Variants in MEI1 observed in about 807,000 individuals in gnomAD.
MEI1 encodes the protein meiosis inhibitor protein 1.
Under a neutral mutation model 146.2 loss-of-function variants are expected in MEI1, and 103 were observed. The observed-to-expected ratio is 0.70, with a 90% CI of 0.60 to 0.83. MEI1 has a LOEUF of 0.83. Ranked by LOEUF, MEI1 falls within the 40% of genes least tolerant of loss-of-function variation. MEI1 has a pLI of 0.00. For missense variants in MEI1, 1,529 were observed against 1,533.0 expected (o/e 1.00, Z 0.04); for synonymous variants, 652 against 628.2 (o/e 1.04, Z -0.57).
chr22:41,742,010 C>T (rs948823961), intron 11 of MEI1, among the ~76,000 whole-genome samples: 38 of 151,144 alleles, frequency 2.5e-4, no homozygotes, highest in Non-Finnish European at 5.6e-4. Context: ...CCTGTAATCC[C>T]ACACTTTGGG....
At chr22:41,748,344 T>A in intron 15 of MEI1, 126 bp downstream of exon 15, 1 of 700,336 alleles carries the variant, frequency 1.4e-6, no homozygotes, top group Non-Finnish European at 2.5e-6. Flanking sequence ...CTGTATCTAT[T>A]CTTTGTCCAG....
At chr22:41,729,488 C>T (rs2071667642) in intron 7 of MEI1, among the ~76,000 whole-genome samples, 177 bp from the exon 8 acceptor site, 1 of 152,178 alleles carries the variant, frequency 6.6e-6, no homozygotes, top group Admixed American at 6.5e-5. Flanking sequence ...CTGCTGTTCA[C>T]GGAGACCCCT....
At position 41,784,620 on chromosome 22, in the gene MEI1, G is replaced by C; in HGVS notation, c.3182G>C (p.Cys1061Ser). 6.2e-7 allele frequency: 1 copy of C among 1,612,396 alleles called. No homozygotes were observed. Among genetic ancestry groups the C allele is most frequent in the African/African-American group, 1.3e-5 (1 of 75,042 alleles). The stretch of plus-strand genomic sequence containing the variant: ...CTCCTGCTTCCAGCTGCCATCTTAT[G>C]CTTCCTGCGGACAGCCCTGCGACAA... Reference protein sequence around the residue: ...KAALLSAAILCFLRTALRQSF... With the variant: ...KAALLSAAILSFLRTALRQSF... The change falls in exon 26 of 31, where the codon TGC (cysteine) becomes TCC (serine). Residue 1061 changes from cysteine to serine, a missense_variant. By Grantham distance (112) the Cys-to-Ser change is moderately radical (BLOSUM62 -1). This residue lies in a region of MEI1 where 313 missense variants were observed against 337.3 expected (regional missense o/e 0.93). Transcript: ENST00000401548.
At chr22:41,703,560 T>C in intron 2 of MEI1, 106 bp downstream of exon 2, 9 of 1,027,720 alleles carry the variant, frequency 8.8e-6, no homozygotes, top group Non-Finnish European at 1.2e-5. Context: ...TTTTTTGTAT[T>C]GTAATACTTT....
chr22:41,743,915 G>A (rs1323420076), intron 12 of MEI1, among the ~76,000 whole-genome samples: 3 of 151,842 alleles, frequency 2.0e-5, no homozygotes, highest in Admixed American at 2.0e-4. Context: ...TTACTCTGTG[G>A]CCCCAGTCTG....
chr22:41,756,347 G>A (rs1160561194), intron 17 of MEI1, among the ~76,000 whole-genome samples: 1 of 152,128 alleles, frequency 6.6e-6, no homozygotes, highest in Non-Finnish European at 1.5e-5. Context: ...ATGTTGGCCA[G>A]GCTGGTCTTG....
chr22:41,706,462 A>G (rs752234913), intron 3 of MEI1, among the ~76,000 whole-genome samples: 3 of 152,222 alleles, frequency 2.0e-5, no homozygotes, highest in South Asian at 2.1e-4. Context: ...ACTAGATTTG[A>G]TGAGTGCTGT....
At position 41,763,377 on chromosome 22, in the gene MEI1, T is replaced by C; in HGVS notation, c.2268+56T>C. The C allele has an allele frequency of 4.4e-6, 7 of 1,575,798 alleles. No individual in the cohort carries two copies. The South Asian group carries it at 5.7e-5, about 13-fold the overall frequency. ...CTTCTGTACCTCTTTACATTAGTGTTCCCTGGGAGACCATGATGATGATAG... is the reference window on the plus strand; with the variant it reads ...CTTCTGTACCTCTTTACATTAGTGTCCCCTGGGAGACCATGATGATGATAG... On this transcript the variant is annotated intron_variant, in intron 19 of 30. Coordinates refer to ENST00000401548, the MANE Select transcript of MEI1 (RefSeq NM_152513.4).
intron 28 of MEI1, 71 bp downstream of exon 28, chr22:41,794,548 C>G (rs941548741): frequency 1.0e-5 from 13 of 1,282,238 alleles, no homozygotes; most frequent in African/African-American, 1.5e-5. Context: ...AGGCCAGGGT[C>G]TCCTTACTTT....
At chr22:41,757,709 T>C (rs1241536468) in intron 17 of MEI1, among the ~76,000 whole-genome samples, 1 of 152,080 alleles carries the variant, frequency 6.6e-6, no homozygotes, top group Non-Finnish European at 1.5e-5. Context: ...CTCCTCAATA[T>C]AGCGCTGATC....
chr22:41,767,251 T>C (rs2074916730), intron 19 of MEI1, among the ~76,000 whole-genome samples: 1 of 152,220 alleles, frequency 6.6e-6, no homozygotes, highest in Non-Finnish European at 1.5e-5. Context: ...GAATGCCCTT[T>C]ATGTAGAAGC....
In MEI1 at chr22:41,799,309, C is replaced by A; in HGVS notation, c.*10C>A. On this transcript the variant is annotated 3_prime_UTR_variant, in exon 31 of 31. Transcript: ENST00000401548. Reference sequence around the variant, plus strand: ...CCACATCAGAAACTGATCCTCAGGACTTGAAGGCCCAGAAGTGGAGAGAGA... The same window carrying A: ...CCACATCAGAAACTGATCCTCAGGAATTGAAGGCCCAGAAGTGGAGAGAGA... 2 of 1,613,236 alleles carry A rather than the reference C, an allele frequency of 1.2e-6. No homozygotes were observed. The highest frequency in any genetic ancestry group is 4.5e-5 in the East Asian group (2 of 44,846).
chr22:41,711,522 C>T (rs1177649376), intron 3 of MEI1, among the ~76,000 whole-genome samples: 1 of 152,230 alleles, frequency 6.6e-6, no homozygotes, highest in Non-Finnish European at 1.5e-5. Flanking sequence ...GCATGGCTTG[C>T]AGAACCATCA....
In MEI1 at chr22:41,758,399, G is replaced by A; in HGVS notation, c.1986G>A (p.Gly662=). The change falls in exon 18 of 31, where the codon GGG becomes GGA. Residue 662 remains glycine, a synonymous_variant. Coordinates refer to ENST00000401548, the MANE Select transcript of MEI1 (RefSeq NM_152513.4). ...CAGTGTCTGAGCTCCTGCAGCATGG[G>A]CTGCCCCAGATAAGCAGCAGGAGCC... is the stretch of plus-strand genomic sequence containing the variant. ...LSAVSELLQH[G]LPQISSRSPE... 6.2e-7 allele frequency: 1 copy of A among 1,613,782 alleles called. No individual in the cohort carries two copies. Among genetic ancestry groups the A allele is most frequent in the Non-Finnish European group, 8.5e-7 (1 of 1,179,852 alleles).
intron 6 of MEI1, among the ~76,000 whole-genome samples, chr22:41,723,606 C>A (rs190845148): frequency 6.6e-6 from 1 of 152,248 alleles, no homozygotes; most frequent in East Asian, 1.9e-4. Context: ...TGCTATGTGT[C>A]AGGAACTGTG....
intron 23 of MEI1, 43 bp downstream of exon 23, chr22:41,781,437 C>A (rs369152756): frequency 2.7e-6 from 4 of 1,458,786 alleles, no homozygotes; most frequent in African/African-American, 2.8e-5. Context: ...GCTGGGCAGT[C>A]TGTGGTCCTC....
intron 30 of MEI1, among the ~76,000 whole-genome samples, 177 bp downstream of exon 30, chr22:41,796,024 C>T (rs936960124): frequency 6.6e-6 from 1 of 152,094 alleles, no homozygotes; most frequent in Non-Finnish European, 1.5e-5. Flanking sequence ...CAAGCTCTCC[C>T]AGGCCATAAG....
At chr22:41,737,771 T>A (rs1007409552) in intron 11 of MEI1, among the ~76,000 whole-genome samples, 18 of 152,212 alleles carry the variant, frequency 1.2e-4, no homozygotes, top group Admixed American at 7.9e-4. Context: ...TAAAGGACCT[T>A]GTCAGTTTTT....
At chr22:41,787,069 C>A (rs181845720) in intron 26 of MEI1, among the ~76,000 whole-genome samples, 7 of 152,286 alleles carry the variant, frequency 4.6e-5, no homozygotes, top group Non-Finnish European at 8.8e-5. Flanking sequence ...TAGCACTTAG[C>A]TCTCTGTTTC....
Sources: gnomAD v4.1 joint callset for allele counts (sites outside exome capture counted in the v4.1 genomes callset) on GRCh38, gnomAD v4.1.1 for gene constraint, gnomAD v4.1.1 regional missense constraint, MANE v1.5 for transcripts, NCBI Gene and HGNC (gene_info 2026-07-23, HGNC 2026-07-21) for gene names.